PLPPR1: variants seen among roughly 807,000 people sequenced by gnomAD.
The protein encoded by PLPPR1 is phospholipid phosphatase-related protein type 1.
PLPPR1 carries 10 observed loss-of-function variants against 33.1 expected under a neutral mutation model. The observed-to-expected ratio is 0.30, with a 90% confidence interval of 0.19 to 0.51. PLPPR1 has a LOEUF of 0.51. Among genes scored for constraint, PLPPR1 ranks in the 20% least tolerant of loss-of-function variants. The probability of loss-of-function intolerance (pLI) is 0.97; values close to 1 mark genes in which losing one functional copy is unlikely to be tolerated. For missense variants in PLPPR1, 304 were observed against 408.1 expected (o/e 0.74, Z 2.20); for synonymous variants, 151 against 151.0 (o/e 1.00, Z 0.00).
At chr9:101,276,598 C>G (rs1828200930) in intron 3 of PLPPR1, among the ~76,000 whole-genome samples, 1 of 152,192 alleles carries the variant, frequency 6.6e-6, no homozygotes, top group South Asian at 2.1e-4. Flanking sequence ...TACTTCAATG[C>G]ATTTTACTTT....
At chr9:101,064,790 C>T (rs553025947) in intron 1 of PLPPR1, among the ~76,000 whole-genome samples, 2 of 151,944 alleles carry the variant, frequency 1.3e-5, no homozygotes, top group Admixed American at 6.6e-5. Flanking sequence ...GCCTTCTTTC[C>T]GATGGGGACT....
At chr9:101,152,644 A>G (rs1332939245) in intron 1 of PLPPR1, among the ~76,000 whole-genome samples, 2 of 152,158 alleles carry the variant, frequency 1.3e-5, no homozygotes, top group Admixed American at 1.3e-4. Context: ...AGCATCATTT[A>G]TTAGATAGGG....
At position 101,286,284 on chromosome 9, in the gene PLPPR1, T is replaced by C. The variant is rs745890125; in HGVS notation, c.385+48T>C. On this transcript the variant is annotated intron_variant, in intron 4 of 7. Coordinates refer to ENST00000374874, the MANE Select transcript of PLPPR1 (RefSeq NM_207299.2). ...CTAAGCTCTCACATAAAAGTAAAAT[T>C]ACTAAAGGCAAACACTTGGTAAAAT... is the stretch of plus-strand genomic sequence containing the variant. 15 of 1,528,022 alleles carry C rather than the reference T, an allele frequency of 9.8e-6. No homozygotes were observed. In the South Asian group the frequency reaches 1.6e-4, roughly 17 times the overall value. 94.7% of individuals were successfully genotyped at this position (1,528,022 alleles called of 1,614,324 possible). A position where few individuals can be genotyped will look rare whatever the true frequency, so the allele number is the denominator to read the frequency against.
At chr9:101,298,308 G>T (rs1017011745) in intron 4 of PLPPR1, among the ~76,000 whole-genome samples, 1 of 152,042 alleles carries the variant, frequency 6.6e-6, no homozygotes, top group Non-Finnish European at 1.5e-5. Context: ...CTGCCATTTA[G>T]GTCCGGTCCG....
At chr9:101,049,786 T>G (rs1330509391) in intron 1 of PLPPR1, among the ~76,000 whole-genome samples, 1 of 151,876 alleles carries the variant, frequency 6.6e-6, no homozygotes, top group Non-Finnish European at 1.5e-5. Flanking sequence ...TATATGTGTA[T>G]GTATGTTAAC....
chr9:101,298,336 G>A (rs2118936822), intron 4 of PLPPR1, among the ~76,000 whole-genome samples: 1 of 152,234 alleles, frequency 6.6e-6, no homozygotes, highest in South Asian at 2.1e-4. Flanking sequence ...GGTAGCACTG[G>A]ACAGACTAAA....
intron 1 of PLPPR1, among the ~76,000 whole-genome samples, chr9:101,117,575 C>A (rs893763925): frequency 6.6e-5 from 10 of 152,016 alleles, no homozygotes; most frequent in African/African-American, 2.4e-4. Context: ...TAAAAATGGG[C>A]AGCCAGCAGC....
intron 1 of PLPPR1, among the ~76,000 whole-genome samples, chr9:101,151,624 G>A (rs1276529410): frequency 6.6e-6 from 1 of 152,170 alleles, no homozygotes; most frequent in African/African-American, 2.4e-5. Flanking sequence ...CTGTGTGGCA[G>A]TATTACTTGT....
Position 101,157,291 on chromosome 9 carries a change from G to A in PLPPR1, c.-45-28159G>A, listed in dbSNP as rs542590300. Among the ~76,000 whole-genome samples, 24 of 152,280 alleles carry A rather than the reference G, an allele frequency of 1.6e-4. 1 individual carries two copies. In the South Asian group the frequency reaches 4.3e-3, roughly 28 times the overall value. On this transcript the variant is annotated intron_variant, in intron 1 of 7. Transcript: ENST00000374874. ...ATTGGTCATGATCTTTAAGAGGTAG[G>A]ATGGGTGATTAGGCATATCAAGGTT...
At chr9:101,077,797 C>T (rs12379283) in intron 1 of PLPPR1, among the ~76,000 whole-genome samples, 8,717 of 151,996 alleles carry the variant, frequency 0.057, 351 homozygotes, top group Non-Finnish European at 0.08. Flanking sequence ...TTGGGCAAGG[C>T]GGCTCCCTTA....
chr9:101,278,824 C>T (rs1267584425), intron 3 of PLPPR1, among the ~76,000 whole-genome samples: 2 of 152,138 alleles, frequency 1.3e-5, no homozygotes, highest in Non-Finnish European at 2.9e-5. Context: ...TCTGGACAGG[C>T]CAGAGCAGCA....
At chr9:101,192,045 C>T (rs566538646) in intron 2 of PLPPR1, among the ~76,000 whole-genome samples, 2 of 152,294 alleles carry the variant, frequency 1.3e-5, no homozygotes, top group South Asian at 2.1e-4. Context: ...TCAGCAAGAA[C>T]TTGATGATTT....
chr9:101,196,736 G>A (rs933513795), intron 2 of PLPPR1, among the ~76,000 whole-genome samples: 7 of 152,012 alleles, frequency 4.6e-5, no homozygotes, highest in Non-Finnish European at 8.8e-5. Context: ...GTGGTGGCGG[G>A]TGCCTGTAGT....
chr9:101,114,599 G>T (rs1467171684), intron 1 of PLPPR1, among the ~76,000 whole-genome samples: 1 of 152,216 alleles, frequency 6.6e-6, no homozygotes, highest in African/African-American at 2.4e-5. Flanking sequence ...AGGTAAGGAA[G>T]CCAGCTGATG....
intron 1 of PLPPR1, among the ~76,000 whole-genome samples, chr9:101,029,751 AG>A (rs1305483141): frequency 6.6e-6 from 1 of 152,172 alleles, no homozygotes; most frequent in Non-Finnish European, 1.5e-5. Context: ...AGTTACTGAC[AG>A]GCTTGCCATA....
intron 2 of PLPPR1, among the ~76,000 whole-genome samples, chr9:101,239,443 C>T (rs564481117): frequency 2.0e-5 from 3 of 151,912 alleles, no homozygotes; most frequent in South Asian, 2.1e-4. Flanking sequence ...ATAATTCATA[C>T]CCCAAATCTC....
At chr9:101,222,775 CACG>C (rs1397386236) in intron 2 of PLPPR1, among the ~76,000 whole-genome samples, 1 of 152,094 alleles carries the variant, frequency 6.6e-6, no homozygotes, top group Non-Finnish European at 1.5e-5. Flanking sequence ...TAGTGTCGGT[CACG>C]ACATTCTAAA....
chr9:101,110,121 A>T (rs1564147405), intron 1 of PLPPR1, among the ~76,000 whole-genome samples: 1 of 152,244 alleles, frequency 6.6e-6, no homozygotes, highest in East Asian at 1.9e-4. Flanking sequence ...AAATTACAAA[A>T]CAAGTTTTTA....
intron 5 of PLPPR1, 135 bp downstream of exon 5, chr9:101,309,596 T>TAGTATATCA: frequency 1.1e-6 from 1 of 948,058 alleles, no homozygotes; most frequent in South Asian, 1.7e-5. Context: ...TACATTATGC[T>TAGTATATCA]ATTGATATAC....
Sources: gnomAD v4.1 joint callset for allele counts (sites outside exome capture counted in the v4.1 genomes callset) on GRCh38, gnomAD v4.1.1 for gene constraint, MANE v1.5 for transcripts, NCBI Gene and HGNC (gene_info 2026-07-23, HGNC 2026-07-21) for gene names.